The following SLCO4A1 variants were observed in gnomAD, a reference collection of about 807,000 sequenced individuals.
The protein encoded by SLCO4A1 is solute carrier organic anion transporter family member 4A1.
Under a neutral mutation model 64.6 loss-of-function variants are expected in SLCO4A1, and 51 were observed. That is an observed-to-expected ratio of 0.79 (90% CI 0.63 to 1.00). The LOEUF is 1.00. SLCO4A1 is among the 50% of genes least tolerant of loss of function. The pLI, the probability that SLCO4A1 is intolerant of heterozygous loss-of-function variation, is 0.00. For synonymous variants in SLCO4A1, 471 were observed against 444.9 expected (o/e 1.06, Z -0.74); for missense variants, 919 against 980.5 (o/e 0.94, Z 0.84).
intron 1 of SLCO4A1, among the ~76,000 whole-genome samples, chr20:62,652,739 C>T (rs193180857): frequency 6.4e-4 from 97 of 152,356 alleles, no homozygotes; most frequent in Non-Finnish European, 1.0e-3. Flanking sequence ...TGTAAATAAA[C>T]CCCCGGGTGT....
At chr20:62,652,212 TTATG>T (rs1241263462) in intron 1 of SLCO4A1, 1 of 152,060 alleles carries the variant, frequency 6.6e-6, no homozygotes, top group African/African-American at 2.4e-5. Flanking sequence ...TTTCTGCTAT[TTATG>T]TGTGTGCGTG....
downstream of SLCO4A1, among the ~76,000 whole-genome samples, chr20:62,675,946 C>G (rs1455686907): frequency 6.6e-6 from 1 of 152,144 alleles, no homozygotes; most frequent in African/African-American, 2.4e-5. Flanking sequence ...GTCCTCCAAG[C>G]CCACTTGGTT....
chr20:62,658,817 C>A, intron 3 of SLCO4A1, 50 bp downstream of exon 3: 1 of 1,469,506 alleles, frequency 6.8e-7, no homozygotes, highest in Non-Finnish European at 9.3e-7. Flanking sequence ...CCACGTGTCT[C>A]TGGAAGGGGG....
At chr20:62,664,833 C>A (rs1425579649) in intron 5 of SLCO4A1, 101 bp from the exon 6 acceptor site, 3 of 1,312,616 alleles carry the variant, frequency 2.3e-6, no homozygotes, top group Admixed American at 2.8e-5. Flanking sequence ...CACACCCCGA[C>A]CTCTGCCCAC....
intron 1 of SLCO4A1, among the ~76,000 whole-genome samples, chr20:62,648,808 C>T (rs976108905): frequency 6.6e-6 from 1 of 152,222 alleles, no homozygotes; most frequent in African/African-American, 2.4e-5. Flanking sequence ...CTTGTCCCCA[C>T]CGGCCAGGCG....
Position 62,667,900 on chromosome 20 carries a change from A to T in SLCO4A1, c.1628A>T (p.Asp543Val). ...GCPAATETNV[D>V]GQKVYRDCSC... ...CCTGCAGCCACGGAGACGAATGTGG[A>T]CGGCCAGAAGGTGAGTGGAGCCGCT... The change falls in exon 8 of 12, where the codon GAC (aspartate) becomes GTC (valine). Residue 543 changes from aspartate (D) to valine (V), a missense_variant. Transcript: ENST00000217159. 6.2e-7 allele frequency: 1 copy of T among 1,613,916 alleles called. No homozygotes were observed. The highest frequency in any genetic ancestry group is 8.5e-7 in the Non-Finnish European group (1 of 1,180,026).
chr20:62,654,839 C>A (rs576620647), intron 1 of SLCO4A1, among the ~76,000 whole-genome samples: 22 of 152,166 alleles, frequency 1.4e-4, no homozygotes, highest in Non-Finnish European at 2.5e-4. Context: ...AGAAACGGGC[C>A]CTCTCTTACT....
Position 62,667,522 on chromosome 20 carries a change from G to A in SLCO4A1, c.1473-223G>A, listed in dbSNP as rs1034839279. ...TGCATCAGGCGGACGGTGCTGGGGGGCATGGGTGTGCCTTCCTTGCGTGAG... is the reference window on the plus strand; with the variant it reads ...TGCATCAGGCGGACGGTGCTGGGGGACATGGGTGTGCCTTCCTTGCGTGAG... On this transcript the variant is annotated intron_variant, in intron 7 of 11. Coordinates refer to ENST00000217159, the MANE Select transcript of SLCO4A1 (RefSeq NM_016354.4). 1.0e-5 allele frequency: 6 copies of A among 584,294 alleles called. No individual in the cohort carries two copies. The South Asian group carries it at 1.1e-4, about 11-fold the overall frequency. The allele number at this position is 584,294 out of a possible 1,614,324, so 36.2% of individuals were successfully genotyped here. A position where few individuals can be genotyped will look rare whatever the true frequency, so the allele number is the denominator to read the frequency against.
Position 62,658,751 on chromosome 20 carries a change from A to G in SLCO4A1, c.871A>G (p.Thr291Ala), listed in dbSNP as rs527382829. Residue 291 changes from threonine (T) to alanine (A), a missense_variant, in exon 3 of 12, where the codon ACG (threonine) becomes GCG (alanine). Thr to Ala is a moderately conservative substitution (Grantham distance 58). Transcript: ENST00000217159. The stretch of plus-strand genomic sequence containing the variant: ...TGGAGGTGCCCTGCTGAATATCTAC[A>G]CGGAAATGGGCCGACGGTGAGTGGC... ...LIGGALLNIY[T>A]EMGRRTELTT... 32 of 1,610,902 alleles carry G rather than the reference A, an allele frequency of 2.0e-5. No individual in the cohort carries two copies. The South Asian group carries it at 3.5e-4, about 18-fold the overall frequency.
At chr20:62,673,893 G>A (rs2147110680), downstream of SLCO4A1, among the ~76,000 whole-genome samples, 1 of 152,308 alleles carries the variant, frequency 6.6e-6, no homozygotes. Flanking sequence ...TAAATTCTGG[G>A]GCAGTTTGTT....
At chr20:62,649,422 G>C (rs909260989) in intron 1 of SLCO4A1, 2 of 152,324 alleles carry the variant, frequency 1.3e-5, no homozygotes, top group African/African-American at 4.8e-5. Context: ...AAATGTCTAG[G>C]CACCCAAGGC....
In SLCO4A1 at chr20:62,660,395, C is replaced by T. The variant is rs751791684; in HGVS notation, c.888-17C>T. The T allele has an allele frequency of 7.5e-6, 12 of 1,596,200 alleles. No individual in the cohort carries two copies. In the East Asian group the frequency reaches 2.7e-4, roughly 36 times the overall value. ...GTGGGCTGCACGCTGACCCAGGTGC[C>T]ACTGCCTCTTCCACAGGACGGAGCT... is the stretch of plus-strand genomic sequence containing the variant. On this transcript the variant is annotated splice_polypyrimidine_tract_variant and intron_variant, in intron 3 of 11. Coordinates refer to ENST00000217159, the MANE Select transcript of SLCO4A1 (RefSeq NM_016354.4).
At chr20:62,669,960 C>T (rs992562624) in intron 11 of SLCO4A1, 3 of 152,250 alleles carry the variant, frequency 2.0e-5, no homozygotes, top group African/African-American at 7.2e-5. Context: ...GTTTCAGTTA[C>T]CAGAGGTCCA....
At chr20:62,673,170 G>A (rs768312040), downstream of SLCO4A1, among the ~76,000 whole-genome samples, 2 of 142,860 alleles carry the variant, frequency 1.4e-5, no homozygotes, top group African/African-American at 2.5e-5. Flanking sequence ...GGCATGGGGG[G>A]GGCACAGAGG....
In SLCO4A1 at chr20:62,671,852, C is replaced by G; in HGVS notation, c.2128C>G (p.Pro710Ala). ...TTGTCTGCCCAGCCAGTCCTCAGCCCCTGACAGTGCCACAGATAGCCAGCT... is the reference window on the plus strand; with the variant it reads ...TTGTCTGCCCAGCCAGTCCTCAGCCGCTGACAGTGCCACAGATAGCCAGCT... ...ETCLPSQSSA[P>A]DSATDSQLQS... Residue 710 changes from proline to alanine, a missense_variant, in exon 12 of 12, where the codon CCT becomes GCT. Pro to Ala is a conservative substitution (Grantham distance 27). Coordinates refer to ENST00000217159, the MANE Select transcript of SLCO4A1 (RefSeq NM_016354.4). 6.2e-7 allele frequency: 1 copy of G among 1,613,418 alleles called. No individual in the cohort carries two copies. The highest frequency in any genetic ancestry group is 8.5e-7 in the Non-Finnish European group (1 of 1,180,036).
chr20:62,667,136 C>T (rs113298428), intron 7 of SLCO4A1, among the ~76,000 whole-genome samples: 5,463 of 152,318 alleles, frequency 0.036, 128 homozygotes, highest in East Asian at 0.075. Context: ...TCAGGGTGGA[C>T]GGGGTCACTA....
chr20:62,664,371 C>T (rs979521016), intron 5 of SLCO4A1, among the ~76,000 whole-genome samples: 3 of 152,230 alleles, frequency 2.0e-5, no homozygotes, highest in East Asian at 1.9e-4. Context: ...CCACTTCTCC[C>T]AGGGGCTGGC....
chr20:62,651,062 C>G (rs2250931), intron 1 of SLCO4A1, among the ~76,000 whole-genome samples: 79,905 of 152,038 alleles, frequency 0.53, 23,164 homozygotes, highest in East Asian at 0.76. Context: ...CCTCATCGCC[C>G]TGAGAGTCCA....
Position 62,644,556 on chromosome 20 carries a change from C to T in SLCO4A1, c.-97+2003C>T, listed in dbSNP as rs867934055. Among the ~76,000 whole-genome samples the T allele has an allele frequency of 3.9e-5, 6 of 152,250 alleles. No individual in the cohort carries two copies. Among genetic ancestry groups the T allele is most frequent in the South Asian group, 2.1e-4 (1 of 4,832 alleles). On this transcript the variant is annotated intron_variant, in intron 1 of 11. Coordinates refer to ENST00000217159, the MANE Select transcript of SLCO4A1 (RefSeq NM_016354.4). This position sits in a 1 kb window ranked among gnomAD's most constrained non-coding sequence, Gnocchi z 5.4. ...CCAGAGAGGCCGGCTCTCCTCGGGG[C>T]TCTGATGGGCCCCTTGGCTTGACCA...
Sources: allele counts gnomAD v4.1 joint callset (sites outside exome capture counted in the v4.1 genomes callset), GRCh38; gene constraint gnomAD v4.1.1; non-coding constraint Gnocchi (gnomAD v3.1); transcripts MANE v1.5; gene names NCBI Gene and HGNC (gene_info 2026-07-23, HGNC 2026-07-21).